The following ADAMTS16 variants were observed in gnomAD, a reference collection of about 807,000 sequenced individuals.
ADAMTS16 encodes the protein ADAM metallopeptidase with thrombospondin type 1 motif 16, also known as A disintegrin and metalloproteinase with thrombospondin motifs 16.
In ADAMTS16, 94 loss-of-function variants were observed where a neutral mutation model predicts 145.8. That is an observed-to-expected ratio of 0.64 (90% confidence interval 0.55 to 0.77). The LOEUF (loss-of-function observed/expected upper bound fraction) is 0.77, where lower values mean the gene tolerates loss of function less well. Ranked by LOEUF, ADAMTS16 falls within the 30% of genes least tolerant of loss-of-function variation. The probability of loss-of-function intolerance (pLI) is 0.00; values close to 1 mark genes in which losing one functional copy is unlikely to be tolerated. For missense variants in ADAMTS16, 1,585 were observed against 1,591.5 expected (o/e 1.00, Z 0.07); for synonymous variants, 659 against 604.3 (o/e 1.09, Z -1.33).
rs892862459 is a variant in ADAMTS16 at position 5,303,167 on chromosome 5, G to C, written c.2790-101G>C. 3 of 1,264,084 alleles carry C rather than the reference G, an allele frequency of 2.4e-6. No homozygotes were observed. The East Asian group carries it at 7.8e-5, about 33-fold the overall frequency. The allele number at this position is 1,264,084 out of a possible 1,614,324, so 78.3% of individuals were successfully genotyped here. A position where few individuals can be genotyped will look rare whatever the true frequency, so the allele number is the denominator to read the frequency against. Reference sequence around the variant, plus strand: ...TGAAAATAACGGCACACACACGACCGTGGCTGGGAAATCGCGCCGCTGCCT... The same window carrying C: ...TGAAAATAACGGCACACACACGACCCTGGCTGGGAAATCGCGCCGCTGCCT... On this transcript the variant is annotated intron_variant, in intron 18 of 22. Transcript: ENST00000274181.
At chr5:5,307,878 G>A (rs1338157920) in intron 21 of ADAMTS16, among the ~76,000 whole-genome samples, 1 of 152,094 alleles carries the variant, frequency 6.6e-6, no homozygotes, top group Admixed American at 6.5e-5. Context: ...GGTCCTGCCC[G>A]GCGCCCTCTG....
chr5:5,144,412 C>A, intron 2 of ADAMTS16, among the ~76,000 whole-genome samples: 1 of 152,132 alleles, frequency 6.6e-6, no homozygotes, highest in East Asian at 1.9e-4. Context: ...TTTTAGATTT[C>A]ATTCTTTTAG....
chr5:5,287,930 G>T (rs1245882401), intron 18 of ADAMTS16, among the ~76,000 whole-genome samples: 1 of 152,174 alleles, frequency 6.6e-6, no homozygotes, highest in Admixed American at 6.5e-5. Flanking sequence ...AAAGCATCCA[G>T]GTTCGCTGCA....
chr5:5,173,131 G>A (rs554070772), intron 3 of ADAMTS16, among the ~76,000 whole-genome samples: 1 of 148,820 alleles, frequency 6.7e-6, no homozygotes, highest in Admixed American at 6.7e-5. Context: ...GTCACCTATG[G>A]GTGACTATAG....
chr5:5,268,536 G>T (rs80059037), intron 18 of ADAMTS16, among the ~76,000 whole-genome samples: 3,624 of 152,222 alleles, frequency 0.024, 47 homozygotes, highest in East Asian at 0.053. Context: ...CCATCAAATG[G>T]TCTCCCCTGA....
At chr5:5,287,680 C>G (rs941210680) in intron 18 of ADAMTS16, among the ~76,000 whole-genome samples, 1 of 152,154 alleles carries the variant, frequency 6.6e-6, no homozygotes, top group Non-Finnish European at 1.5e-5. Flanking sequence ...ATTTCACGGA[C>G]GGTGTCAGCT....
At chr5:5,221,127 G>T (rs1407674712) in intron 10 of ADAMTS16, among the ~76,000 whole-genome samples, 3 of 152,050 alleles carry the variant, frequency 2.0e-5, no homozygotes, top group South Asian at 4.2e-4. Flanking sequence ...TTTTAAGGGA[G>T]TTTATTTTTA....
At chr5:5,247,509 A>G (rs970278761) in intron 17 of ADAMTS16, among the ~76,000 whole-genome samples, 6 of 152,124 alleles carry the variant, frequency 3.9e-5, no homozygotes. Context: ...CCAGGGTAAA[A>G]CAAGGAAGCC....
At chr5:5,247,072 G>A (rs1211381515) in intron 17 of ADAMTS16, among the ~76,000 whole-genome samples, 1 of 152,178 alleles carries the variant, frequency 6.6e-6, no homozygotes, top group African/African-American at 2.4e-5. Context: ...GGTTCCTACT[G>A]CTCATCTGAT....
At chr5:5,235,878 A>T (rs923082174) in intron 13 of ADAMTS16, among the ~76,000 whole-genome samples, 10 of 152,224 alleles carry the variant, frequency 6.6e-5, no homozygotes, top group African/African-American at 2.4e-4. Context: ...CCCATCTGAC[A>T]TTCCCATTCA....
In ADAMTS16 at chr5:5,320,117, A is replaced by G. The variant is rs1464102038; in HGVS notation, c.*979A>G. ...TTTTTCGGTGAGTCTGGCCATTTCT[A>G]TAATGCCAGGTGGGAAGCCAGGCTG... On this transcript the variant is annotated 3_prime_UTR_variant, in exon 23 of 23. Coordinates refer to ENST00000274181, the MANE Select transcript of ADAMTS16 (RefSeq NM_139056.4). The surrounding 1 kb of genome is among the most constrained non-coding windows in gnomAD (Gnocchi z 5.1). 2.2e-5 allele frequency: 7 copies of G among 324,186 alleles called. No individual in the cohort carries two copies. Among genetic ancestry groups the G allele is most frequent in the African/African-American group, 1.4e-4 (6 of 42,846 alleles). 20.1% of individuals were successfully genotyped at this position (324,186 alleles called of 1,614,324 possible).
At chr5:5,208,328 T>C (rs1440131457) in intron 9 of ADAMTS16, among the ~76,000 whole-genome samples, 1 of 152,192 alleles carries the variant, frequency 6.6e-6, no homozygotes, top group Non-Finnish European at 1.5e-5. Context: ...TTTTTGGTTT[T>C]CTCAGGGAAG....
Position 5,306,557 on chromosome 5 carries a change from A to G in ADAMTS16, c.3240A>G (p.Glu1080=), listed in dbSNP as rs766039866. ...AGAAAAGATTCTTAAAATGTGCTGAAAAGTATGTTTCTGGAAAGTATCGAG... is the reference window on the plus strand; with the variant it reads ...AGAAAAGATTCTTAAAATGTGCTGAGAAGTATGTTTCTGGAAAGTATCGAG... The part of the protein sequence containing the change: ...GTQKRFLKCA[E]KYVSGKYREL... Residue 1080 remains glutamate (E), a synonymous_variant, in exon 21 of 23, where the codon GAA becomes GAG. Transcript: ENST00000274181. 11 of 1,614,114 alleles carry G rather than the reference A, an allele frequency of 6.8e-6. No homozygotes were observed. Among genetic ancestry groups the G allele is most frequent in the Admixed American group, 1.7e-5 (1 of 60,014 alleles).
chr5:5,250,316 GT>G (rs371683297), intron 17 of ADAMTS16, among the ~76,000 whole-genome samples: 5 of 152,244 alleles, frequency 3.3e-5, no homozygotes, highest in African/African-American at 1.2e-4. Flanking sequence ...TAGGGGAACT[GT>G]TCTGATAGGA....
intron 3 of ADAMTS16, among the ~76,000 whole-genome samples, chr5:5,165,208 G>A (rs1463671745): frequency 6.6e-6 from 1 of 152,038 alleles, no homozygotes; most frequent in Non-Finnish European, 1.5e-5. Flanking sequence ...ACAACACTGG[G>A]TCCTCTGCTC....
intron 5 of ADAMTS16, 28 bp from the exon 6 acceptor site, chr5:5,187,697 G>T: frequency 6.6e-7 from 1 of 1,525,388 alleles, no homozygotes; most frequent in Non-Finnish European, 9.1e-7. Context: ...CATTTATGGG[G>T]CTGACATGGA....
intron 3 of ADAMTS16, among the ~76,000 whole-genome samples, chr5:5,173,262 A>G (rs771722979): frequency 6.6e-6 from 1 of 151,108 alleles, no homozygotes; most frequent in African/African-American, 2.4e-5. Context: ...TTTATTATTG[A>G]TAAGTAAGGA....
chr5:5,233,669 A>T (rs915421507), intron 12 of ADAMTS16, among the ~76,000 whole-genome samples: 1 of 152,150 alleles, frequency 6.6e-6, no homozygotes, highest in African/African-American at 2.4e-5. Context: ...AAACAACATG[A>T]TCTCTTCCTT....
At chr5:5,230,322 A>G (rs777325061) in intron 11 of ADAMTS16, among the ~76,000 whole-genome samples, 4 of 152,232 alleles carry the variant, frequency 2.6e-5, no homozygotes, top group Non-Finnish European at 5.9e-5. Flanking sequence ...ATTCTATGTT[A>G]ACTGAGAGAA....
Sources: gnomAD v4.1 joint callset for allele counts (sites outside exome capture counted in the v4.1 genomes callset) on GRCh38, gnomAD v4.1.1 for gene constraint, Gnocchi (gnomAD v3.1) non-coding constraint, MANE v1.5 for transcripts, NCBI Gene and HGNC (gene_info 2026-07-23, HGNC 2026-07-21) for gene names.